PDE1C: variants seen among roughly 807,000 people sequenced by gnomAD.
PDE1C encodes phosphodiesterase 1C.
Under a neutral mutation model 93.1 loss-of-function variants are expected in PDE1C, and 62 were observed. That is an observed-to-expected ratio of 0.67 (90% CI 0.54 to 0.82). The LOEUF (loss-of-function observed/expected upper bound fraction) is 0.82. Ranked by LOEUF, PDE1C falls within the 40% of genes least tolerant of loss-of-function variation. PDE1C has a pLI of 0.00. For synonymous variants in PDE1C, 325 were observed against 310.1 expected (o/e 1.05, Z -0.50); for missense variants, 742 against 884.6 (o/e 0.84, Z 2.04).
intron 1 of PDE1C, among the ~76,000 whole-genome samples, chr7:32,295,804 G>C (rs1304409614): frequency 6.6e-6 from 1 of 151,226 alleles, no homozygotes; most frequent in Non-Finnish European, 1.5e-5. Context: ...TGAGGCAGGA[G>C]AATGGTGTGA....
intron 2 of PDE1C, among the ~76,000 whole-genome samples, chr7:32,175,755 G>A (rs1454004188): frequency 6.6e-6 from 1 of 152,160 alleles, no homozygotes; most frequent in Non-Finnish European, 1.5e-5. Flanking sequence ...ACTTTCATGA[G>A]CGTCCTATCT....
intron 16 of PDE1C, among the ~76,000 whole-genome samples, chr7:31,794,953 CCAAA>C (rs1306768466): frequency 2.6e-5 from 4 of 151,832 alleles, no homozygotes; most frequent in Admixed American, 6.6e-5. Flanking sequence ...GATGAGAAAA[CCAAA>C]CAAACAATCA....
upstream of PDE1C, among the ~76,000 whole-genome samples, chr7:32,075,533 T>C (rs187967542): frequency 6.6e-6 from 1 of 152,188 alleles, no homozygotes; most frequent in East Asian, 1.9e-4. Context: ...TGACGTCTTT[T>C]TCTGTTTGAT....
chr7:32,010,075 A>T (rs1786869026), intron 2 of PDE1C, among the ~76,000 whole-genome samples: 1 of 152,252 alleles, frequency 6.6e-6, no homozygotes, highest in South Asian at 2.1e-4. Context: ...AGAAGACGTG[A>T]TATTGTTAAG....
chr7:32,210,824 A>G (rs764416841), intron 1 of PDE1C, among the ~76,000 whole-genome samples: 6 of 152,156 alleles, frequency 3.9e-5, no homozygotes, highest in African/African-American at 1.2e-4. Flanking sequence ...CTCTTACTAT[A>G]TATTACTATA....
chr7:31,644,330 C>T, the PDE1C span, among the ~76,000 whole-genome samples: 2 of 152,160 alleles, frequency 1.3e-5, no homozygotes, highest in Admixed American at 1.3e-4. Context: ...TATAATCTTG[C>T]ACAAGCCATT....
chr7:32,110,331 C>T (rs567592703), intron 3 of PDE1C, among the ~76,000 whole-genome samples: 16 of 152,288 alleles, frequency 1.1e-4, no homozygotes, highest in Middle Eastern at 3.4e-3. Context: ...TGGTGGCCTC[C>T]GTTTTTAAAA....
chr7:31,794,351 A>G (rs144180888), intron 16 of PDE1C, among the ~76,000 whole-genome samples: 14 of 152,070 alleles, frequency 9.2e-5, no homozygotes, highest in African/African-American at 3.4e-4. Flanking sequence ...AATAGTTCTT[A>G]GGTCCAACCC....
chr7:32,064,896 T>C (rs1433126002), intron 1 of PDE1C, among the ~76,000 whole-genome samples: 2 of 152,158 alleles, frequency 1.3e-5, no homozygotes, highest in South Asian at 2.1e-4. Context: ...ACTACACTTC[T>C]ATCTGTCCCT....
the PDE1C span, among the ~76,000 whole-genome samples, chr7:31,668,503 AAG>A: frequency 2.0e-5 from 3 of 152,170 alleles, no homozygotes; most frequent in Non-Finnish European, 4.4e-5. Flanking sequence ...ATAAAAAAAA[AAG>A]GAAATACTGA....
At chr7:32,073,454 T>C (rs539492992), upstream of PDE1C, among the ~76,000 whole-genome samples, 1 of 152,250 alleles carries the variant, frequency 6.6e-6, no homozygotes, top group South Asian at 2.1e-4. Flanking sequence ...AATGCATAAC[T>C]CAGCTTTAAA....
intron 2 of PDE1C, among the ~76,000 whole-genome samples, chr7:31,932,719 A>G (rs1216834950): frequency 6.6e-6 from 1 of 152,200 alleles, no homozygotes; most frequent in East Asian, 1.9e-4. Context: ...TACTGGGTAT[A>G]TGCCCAAAGG....
intron 1 of PDE1C, among the ~76,000 whole-genome samples, chr7:32,388,678 TA>T (rs5883343): frequency 9.8e-4 from 80 of 81,572 alleles, no homozygotes; most frequent in African/African-American, 3.7e-3. Context: ...GTCCCATTTC[TA>T]AAAAAAAAAA....
chr7:31,905,944 T>C (rs1024694244), intron 2 of PDE1C, among the ~76,000 whole-genome samples: 10 of 152,102 alleles, frequency 6.6e-5, no homozygotes, highest in African/African-American at 1.4e-4. Flanking sequence ...AGAAGGAGAA[T>C]TGGGCACGTC....
chr7:32,273,662 A>C (rs1291438434), intron 1 of PDE1C, among the ~76,000 whole-genome samples: 4 of 152,166 alleles, frequency 2.6e-5, no homozygotes, highest in Admixed American at 6.5e-5. Context: ...CAGAGGGTAA[A>C]GTTTGAATTT....
chr7:31,645,480 C>T, the PDE1C span, among the ~76,000 whole-genome samples: 1 of 152,002 alleles, frequency 6.6e-6, no homozygotes, highest in East Asian at 1.9e-4. Flanking sequence ...GTATATTTTC[C>T]AAAAGTTCAG....
At chr7:31,882,764 C>G (rs1797407644) in intron 2 of PDE1C, among the ~76,000 whole-genome samples, 1 of 151,842 alleles carries the variant, frequency 6.6e-6, no homozygotes, top group African/African-American at 2.4e-5. Context: ...GAGGAAATGA[C>G]AAAAACCAAG....
chr7:32,095,332 T>C (rs1381062544), intron 3 of PDE1C, among the ~76,000 whole-genome samples: 5 of 152,114 alleles, frequency 3.3e-5, no homozygotes, highest in Non-Finnish European at 7.4e-5. Flanking sequence ...CAGACAACAA[T>C]CAGGTTATGT....
chr7:31,992,443 T>G (rs1200401685), intron 2 of PDE1C, among the ~76,000 whole-genome samples: 1 of 152,220 alleles, frequency 6.6e-6, no homozygotes. Flanking sequence ...GAGACACTCC[T>G]GGGACTTCCC....
Sources: allele counts gnomAD v4.1 joint callset (sites outside exome capture counted in the v4.1 genomes callset), GRCh38; gene constraint gnomAD v4.1.1; transcripts MANE v1.5; gene names NCBI Gene and HGNC (gene_info 2026-07-23, HGNC 2026-07-21).